Variants in PDK3 observed in about 807,000 individuals in gnomAD.
The protein encoded by PDK3 is pyruvate dehydrogenase kinase, isozyme 3.
In PDK3, 12 loss-of-function variants were observed where a neutral mutation model predicts 32.0. The observed-to-expected ratio is 0.37, with a 90% CI of 0.24 to 0.61. The LOEUF (loss-of-function observed/expected upper bound fraction) is 0.61, where lower values mean the gene tolerates loss of function less well. PDK3 is among the 20% of genes least tolerant of loss of function. PDK3 has a pLI of 0.65. For missense variants in PDK3, 188 were observed against 316.9 expected, an observed-to-expected ratio of 0.59 and a Z score of 3.09; for synonymous variants, 122 against 116.3, an observed-to-expected ratio of 1.05 and a Z score of -0.31.
chrX:24,535,230 C>T (rs1428463351), downstream of PDK3, among the ~76,000 whole-genome samples: 5 of 111,569 alleles, frequency 4.5e-5, no homozygotes, highest in Middle Eastern at 4.7e-3. Flanking sequence ...ATTGGCTGGG[C>T]GCAGTGGCTC....
At chrX:24,465,625 A>G in intron 1 of PDK3, 64 bp downstream of exon 1, 2 of 824,599 alleles carry the variant, frequency 2.4e-6, no homozygotes. Flanking sequence ...GCCACCCCGG[A>G]TCTCCGCAGC....
intron 2 of PDK3, among the ~76,000 whole-genome samples, chrX:24,496,543 C>G (rs1265110505): frequency 5.3e-5 from 5 of 93,941 alleles, no homozygotes; most frequent in Non-Finnish European, 8.4e-5. Flanking sequence ...CACTTTACTA[C>G]TAATTGTCCT....
intron 3 of PDK3, among the ~76,000 whole-genome samples, chrX:24,500,341 A>G (rs1433184280): frequency 8.9e-6 from 1 of 112,136 alleles, no homozygotes; most frequent in Non-Finnish European, 1.9e-5. Flanking sequence ...AGTAGGCTGT[A>G]TGCACTATTT....
intron 1 of PDK3, among the ~76,000 whole-genome samples, chrX:24,480,729 G>GAATGA (rs1186327082): frequency 1.8e-5 from 2 of 112,457 alleles, no homozygotes; most frequent in Non-Finnish European, 3.8e-5. Context: ...TCTGGATTTG[G>GAATGA]AATGAAATGG....
intron 9 of PDK3, among the ~76,000 whole-genome samples, chrX:24,528,948 T>G (rs1922583366): frequency 8.9e-6 from 1 of 112,703 alleles, no homozygotes; most frequent in Non-Finnish European, 1.9e-5. Context: ...AAGTTTCATT[T>G]TAAAGTCGTA....
At chrX:24,543,837 TAC>T (rs1282626716) in exon 12 of PDK3, among the ~76,000 whole-genome samples, 2 of 112,406 alleles carry the variant, frequency 1.8e-5, no homozygotes, top group African/African-American at 6.5e-5. Flanking sequence ...CAATTTTGTC[TAC>T]AGTTTTAGTG....
chrX:24,474,986 A>C (rs1035993111), intron 1 of PDK3, among the ~76,000 whole-genome samples: 23 of 111,546 alleles, frequency 2.1e-4, no homozygotes, highest in Non-Finnish European at 1.7e-4. Context: ...TTTGGTTCCA[A>C]ATGACTCCCT....
intron 1 of PDK3, among the ~76,000 whole-genome samples, chrX:24,467,590 A>G (rs549533043): frequency 2.7e-5 from 3 of 112,582 alleles, no homozygotes; most frequent in South Asian, 7.2e-4. Flanking sequence ...TAATCAGCCT[A>G]TCTTTAATGA....
exon 12 of PDK3, among the ~76,000 whole-genome samples, chrX:24,544,275 T>C (rs1433013115): frequency 9.0e-6 from 1 of 111,081 alleles, no homozygotes; most frequent in African/African-American, 3.3e-5. Flanking sequence ...AGATCCTCTT[T>C]GCATTTCCCC....
chrX:24,496,556 T>TACTA (rs1283979917), intron 2 of PDK3, among the ~76,000 whole-genome samples: 1 of 103,493 alleles, frequency 9.7e-6, no homozygotes, highest in Non-Finnish European at 2.0e-5. Flanking sequence ...ATTGTCCTGA[T>TACTA]ACTACCCCCA....
At chrX:24,531,898 A>G in intron 10 of PDK3, 128 bp downstream of exon 10, 1 of 411,754 alleles carries the variant, frequency 2.4e-6, no homozygotes, top group Non-Finnish European at 4.3e-6. Flanking sequence ...TTCCCATGAA[A>G]ACCATGTTAT....
chrX:24,500,481 C>T (rs1031353268), intron 3 of PDK3, among the ~76,000 whole-genome samples: 2 of 112,190 alleles, frequency 1.8e-5, no homozygotes, highest in Non-Finnish European at 3.8e-5. Context: ...AGTCCCGTCT[C>T]AGTTTCTGGA....
intron 2 of PDK3, among the ~76,000 whole-genome samples, chrX:24,497,449 T>A (rs1418671216): frequency 9.0e-6 from 1 of 111,506 alleles, no homozygotes; most frequent in East Asian, 2.8e-4. Context: ...CACGCCCAGC[T>A]AATTTTTTGT....
intron 4 of PDK3, among the ~76,000 whole-genome samples, chrX:24,504,038 C>G (rs959145305): frequency 9.0e-6 from 1 of 111,573 alleles, no homozygotes; most frequent in Admixed American, 9.6e-5. Flanking sequence ...CTTGAGGGTA[C>G]TAAGCAGATA....
rs369307335 is a variant in PDK3 at position 24,540,889 on chromosome X, C to CTT, written c.*1762_*1763dup. On this transcript the variant is annotated 3_prime_UTR_variant, in exon 12 of 12. Transcript: ENST00000568479. ...CTTTACATGCAAAGACCCTAGCTTC[C>CTT]TTTTTTTTTTTTTTTTTTTTTTTTT... 2.8e-3 allele frequency among the ~76,000 whole-genome samples: 102 copies of CTT among 36,678 alleles called. 20 individuals are homozygous for CTT. The highest frequency in any genetic ancestry group is 3.7e-3 in the Non-Finnish European group (92 of 24,650). 31.9% of individuals were successfully genotyped at this position (36,678 alleles called of 115,157 possible). A position where few individuals can be genotyped will look rare whatever the true frequency, so the allele number is the denominator to read the frequency against.
chrX:24,472,675 C>CTTTTTTTTTTT (rs761538432), intron 1 of PDK3, among the ~76,000 whole-genome samples: 6 of 49,702 alleles, frequency 1.2e-4, no homozygotes, highest in African/African-American at 1.8e-4. Context: ...TTCTTTCTTT[C>CTTTTTTTTTTT]TTTTTTTTTT....
At position 24,465,490 on chromosome X, in the gene PDK3, T is replaced by A; in HGVS notation, c.35T>A (p.Val12Glu). 8.3e-7 allele frequency: 1 copy of A among 1,209,113 alleles called. No individual in the cohort carries two copies. Among genetic ancestry groups the A allele is most frequent in the Non-Finnish European group, 1.1e-6 (1 of 893,812 alleles). The change falls in exon 1 of 11, where the codon GTG becomes GAG. Residue 12 changes from valine (V) to glutamate (E), a missense_variant. Val to Glu is a moderately radical substitution (Grantham distance 121, BLOSUM62 -2). Coordinates refer to ENST00000379162, the MANE Select transcript of PDK3 (RefSeq NM_005391.5). Reference protein sequence around the residue: ...RLFRWLLKQPVPKQIERYSRF... With the variant: ...RLFRWLLKQPEPKQIERYSRF... Reference sequence around the variant, plus strand: ...TTCCGGTGGCTGCTGAAGCAGCCGGTGCCCAAGCAGATCGAGCGCTACTCG... The same window carrying A: ...TTCCGGTGGCTGCTGAAGCAGCCGGAGCCCAAGCAGATCGAGCGCTACTCG...
chrX:24,501,977 T>G (rs1444310023), intron 3 of PDK3, among the ~76,000 whole-genome samples: 1 of 112,272 alleles, frequency 8.9e-6, no homozygotes, highest in Admixed American at 9.4e-5. Flanking sequence ...TTTGCATTGA[T>G]AGCAGATCCT....
chrX:24,503,283 A>C, intron 3 of PDK3, 44 bp from the exon 4 acceptor site: 1 of 1,009,229 alleles, frequency 9.9e-7, no homozygotes, highest in Non-Finnish European at 1.4e-6. Flanking sequence ...GCATCAGCCC[A>C]TGAGATATTA....
Sources: gnomAD v4.1 joint callset for allele counts (sites outside exome capture counted in the v4.1 genomes callset) on GRCh38, gnomAD v4.1.1 for gene constraint, MANE v1.5 for transcripts, NCBI Gene and HGNC (gene_info 2026-07-23, HGNC 2026-07-21) for gene names.